Variants in MYLK3 observed in about 807,000 individuals in gnomAD.
MYLK3 encodes MLC kinase.
MYLK3 carries 55 observed loss-of-function variants against 76.3 expected under a neutral mutation model. The observed-to-expected ratio is 0.72, with a 90% CI of 0.58 to 0.90. The LOEUF is 0.90. MYLK3 is among the 40% of genes least tolerant of loss of function. The pLI is 0.00. For synonymous variants in MYLK3, 416 were observed against 425.4 expected, an observed-to-expected ratio of 0.98 and a Z score of 0.27; for missense variants, 973 against 1,053.6, an observed-to-expected ratio of 0.92 and a Z score of 1.06.
At position 46,712,129 on chromosome 16, in the gene MYLK3, G is replaced by A. The variant is rs1009539021; in HGVS notation, c.2114+519C>T. On this transcript the variant is annotated intron_variant, in intron 10 of 12. Transcript: ENST00000394809. ...CCTCAGTCTCCCTAGTAACTGGGAC[G>A]ATAGGCACGCACCACAATGCCCAAC... Among the ~76,000 whole-genome samples, 32 of 151,408 alleles carry A rather than the reference G, an allele frequency of 2.1e-4. 1 individual carries two copies. Among genetic ancestry groups the A allele is most frequent in the Admixed American group, 1.9e-3 (29 of 15,184 alleles).
chr16:46,718,102 A>G (rs1966762743), intron 9 of MYLK3, among the ~76,000 whole-genome samples: 1 of 152,240 alleles, frequency 6.6e-6, no homozygotes, highest in African/African-American at 2.4e-5. Flanking sequence ...GCACATAAAC[A>G]GATACACAGT....
In MYLK3 at chr16:46,755,906, C is replaced by CTTTTT. The variant is rs772833701; in HGVS notation, c.-114+7129_-114+7133dup. 6.1e-3 allele frequency among the ~76,000 whole-genome samples: 668 copies of CTTTTT among 109,528 alleles called. 2 individuals are homozygous for CTTTTT. Among genetic ancestry groups the CTTTTT allele is most frequent in the East Asian group, 8.2e-3 (32 of 3,880 alleles). The allele number at this position is 109,528 out of a possible 152,430, so 71.9% of individuals were successfully genotyped here. A position where few individuals can be genotyped will look rare whatever the true frequency, so the allele number is the denominator to read the frequency against. Reference sequence around the variant, plus strand: ...TAGAGTTCTTTTTTCTTTTTTCTTTCTTTTTTTTTTTTTTTTTTTGAGATG... The same window carrying CTTTTT: ...TAGAGTTCTTTTTTCTTTTTTCTTTCTTTTTTTTTTTTTTTTTTTTTTTTGAGATG... On this transcript the variant is annotated intron_variant, in intron 1 of 11. Transcript: ENST00000536476.
At chr16:46,728,840 T>C (rs919700853) in intron 7 of MYLK3, among the ~76,000 whole-genome samples, 184 bp downstream of exon 7, 3 of 152,270 alleles carry the variant, frequency 2.0e-5, no homozygotes, top group Admixed American at 1.3e-4. Flanking sequence ...GTGACAAAGT[T>C]GCTTTGTCCT....
At chr16:46,758,373 G>C (rs1221877967) in intron 1 of MYLK3, among the ~76,000 whole-genome samples, 1 of 149,632 alleles carries the variant, frequency 6.7e-6, no homozygotes, top group African/African-American at 2.5e-5. Flanking sequence ...AACTAGCTTG[G>C]CTGACGGGAA....
In MYLK3 at chr16:46,705,991, G is replaced by A. The variant is rs116284131; in HGVS notation, c.*1713C>T. On this transcript the variant is annotated 3_prime_UTR_variant, in exon 13 of 13. Coordinates refer to ENST00000394809, the MANE Select transcript of MYLK3 (RefSeq NM_182493.3). Reference sequence around the variant, plus strand: ...GTCTCAAAAAAAAAAAAAAGTGTTAGTTGCTTGCCATGTTGAGAACAGTAT... The same window carrying A: ...GTCTCAAAAAAAAAAAAAAGTGTTAATTGCTTGCCATGTTGAGAACAGTAT... 7.9e-3 allele frequency: 1,205 copies of A among 153,270 alleles called. 18 individuals carry two copies. Among genetic ancestry groups the A allele is most frequent in the African/African-American group, 0.028 (1,142 of 41,470 alleles). 9.5% of individuals were successfully genotyped at this position (153,270 alleles called of 1,614,324 possible).
chr16:46,746,362 G>C (rs1336343019), intron 1 of MYLK3, among the ~76,000 whole-genome samples: 2 of 152,150 alleles, frequency 1.3e-5, no homozygotes, highest in Admixed American at 1.3e-4. Flanking sequence ...TCCGAGATTT[G>C]ATTGAATCTG....
chr16:46,756,972 G>A (rs1967208816), intron 1 of MYLK3, among the ~76,000 whole-genome samples: 1 of 152,140 alleles, frequency 6.6e-6, no homozygotes, highest in South Asian at 2.1e-4. Context: ...TTCATTGTGG[G>A]GTGAGGGGCA....
chr16:46,752,316 A>T (rs1231523729), upstream of MYLK3, among the ~76,000 whole-genome samples: 1 of 152,062 alleles, frequency 6.6e-6, no homozygotes, highest in Non-Finnish European at 1.5e-5. Context: ...GCTCACTGCA[A>T]CTGGAACTCC....
chr16:46,702,326 T>G lies in MYLK3; in HGVS notation c.*5378A>C, dbSNP rs1163906650. On this transcript the variant is annotated 3_prime_UTR_variant, in exon 13 of 13. Coordinates refer to ENST00000394809, the MANE Select transcript of MYLK3 (RefSeq NM_182493.3). ...GGTTTATTTAACTGATTAAAAAGTT[T>G]TTTTGTCATGAATGTTTTCAAATAC... is the stretch of plus-strand genomic sequence containing the variant. Among the ~76,000 whole-genome samples, 1 of 152,166 alleles carries G rather than the reference T, an allele frequency of 6.6e-6. No homozygotes were observed. The highest frequency in any genetic ancestry group is 1.5e-5 in the Non-Finnish European group (1 of 68,036).
chr16:46,715,799 G>A (rs1343987291), intron 9 of MYLK3, among the ~76,000 whole-genome samples: 1 of 152,132 alleles, frequency 6.6e-6, no homozygotes, highest in Non-Finnish European at 1.5e-5. Context: ...TGTCCCTGCT[G>A]AAAACCAACT....
At chr16:46,747,090 C>T (rs1337981491) in intron 1 of MYLK3, among the ~76,000 whole-genome samples, 1 of 152,160 alleles carries the variant, frequency 6.6e-6, no homozygotes, top group African/African-American at 2.4e-5. Context: ...ACAGACCTCA[C>T]CCCCCATATC....
intron 10 of MYLK3, 37 bp downstream of exon 10, chr16:46,712,611 C>T: frequency 7.1e-7 from 1 of 1,406,818 alleles, no homozygotes; most frequent in Non-Finnish European, 9.3e-7. Flanking sequence ...CAAATGACCC[C>T]TGTCCCCACT....
chr16:46,757,376 C>G (rs1292962653), intron 1 of MYLK3: 9 of 985,332 alleles, frequency 9.1e-6, no homozygotes, highest in Non-Finnish European at 1.1e-5. Flanking sequence ...ACCAATTGTT[C>G]CTCAGGCTCT....
At chr16:46,762,414 C>T (rs1967290627) in intron 1 of MYLK3, among the ~76,000 whole-genome samples, 1 of 152,016 alleles carries the variant, frequency 6.6e-6, no homozygotes, top group African/African-American at 2.4e-5. Flanking sequence ...AGGAATTATT[C>T]TAGACAGATG....
chr16:46,740,551 AT>A (rs869207639), intron 1 of MYLK3, among the ~76,000 whole-genome samples: 105 of 128,360 alleles, frequency 8.2e-4, no homozygotes, highest in African/African-American at 2.9e-3. Context: ...ATATATATAT[AT>A]TTTTTTTTTT....
intron 1 of MYLK3, among the ~76,000 whole-genome samples, chr16:46,757,901 A>G (rs1967221110): frequency 6.6e-6 from 1 of 152,160 alleles, no homozygotes; most frequent in South Asian, 2.1e-4. Flanking sequence ...GGGGATGTGC[A>G]GGGACTCCTT....
At chr16:46,737,584 T>C in intron 3 of MYLK3, 127 bp downstream of exon 3, 1 of 900,768 alleles carries the variant, frequency 1.1e-6, no homozygotes. Context: ...GGCCCAGGCC[T>C]CCTCCCCATT....
At position 46,730,638 on chromosome 16, in the gene MYLK3, G is replaced by T. The variant is rs1442099326; in HGVS notation, c.1523C>A (p.Ser508Tyr). 2 of 1,613,954 alleles carry T rather than the reference G, an allele frequency of 1.2e-6. No homozygotes were observed. The highest frequency in any genetic ancestry group is 2.7e-5 in the African/African-American group (2 of 74,910). ...EHRVVSVKETSISAGYEVCQH... is the reference protein window; with the variant it reads ...EHRVVSVKETYISAGYEVCQH... ...GCACACCTCGTAACCCGCAGAGATG[G>T]AGGTCTCCTTGACGCTCACTACCCG... Residue 508 changes from serine (S) to tyrosine (Y), a missense_variant, in exon 5 of 13, where the codon TCC (serine) becomes TAC (tyrosine). By Grantham distance (144) the Ser-to-Tyr change is moderately radical (BLOSUM62 -2). Transcript: ENST00000394809.
In MYLK3 at chr16:46,733,133, G is replaced by A. The variant is rs1159241412; in HGVS notation, c.1002-465C>T. The stretch of plus-strand genomic sequence containing the variant: ...TCCCAGTGCTTTGGGAGGCCAAGGT[G>A]GGAGGATCCCTTGAGGCCAGGAGTT... On this transcript the variant is annotated intron_variant, in intron 3 of 12. Transcript: ENST00000394809. 2.6e-5 allele frequency among the ~76,000 whole-genome samples: 4 copies of A among 152,304 alleles called. No individual in the cohort carries two copies. The East Asian group carries it at 7.7e-4, about 29-fold the overall frequency.
Sources: gnomAD v4.1 joint callset for allele counts (sites outside exome capture counted in the v4.1 genomes callset) on GRCh38, gnomAD v4.1.1 for gene constraint, MANE v1.5 for transcripts, NCBI Gene and HGNC (gene_info 2026-07-23, HGNC 2026-07-21) for gene names.